ZBED6: variants seen among roughly 807,000 people sequenced by gnomAD.
ZBED6 encodes zinc finger BED domain-containing protein 6.
A neutral mutation model predicts 58.4 loss-of-function variants in ZBED6; 40 were observed. The observed-to-expected ratio is 0.68, with a 90% CI of 0.53 to 0.89. The LOEUF (loss-of-function observed/expected upper bound fraction) is 0.89. ZBED6 is among the 40% of genes least tolerant of loss of function. The pLI, the probability that ZBED6 is intolerant of heterozygous loss-of-function variation, is 0.00. For missense variants in ZBED6, 1,057 were observed against 1,003.9 expected (o/e 1.05, Z -0.71); for synonymous variants, 439 against 350.6 (o/e 1.25, Z -2.82).
chr1:203,838,090 G>A (rs770464466), intron 10 of ZBED6, 26 bp downstream of exon 10: 22 of 1,601,296 alleles, frequency 1.4e-5, no homozygotes, highest in Admixed American at 1.7e-5. Flanking sequence ...CATACTTTGT[G>A]TGTGTATGTA....
intron 3 of ZBED6, among the ~76,000 whole-genome samples, chr1:203,825,814 T>A (rs1264809501): frequency 6.6e-6 from 1 of 152,188 alleles, no homozygotes; most frequent in African/African-American, 2.4e-5. Flanking sequence ...ATTTTTTTTT[T>A]ACAAGTAAAA....
At chr1:203,802,161 G>A (rs1394142935) in exon 1 of ZBED6, 3 of 152,432 alleles carry the variant, frequency 2.0e-5, no homozygotes, top group Admixed American at 1.3e-4. Context: ...ATTACCATAC[G>A]TTTCTATCTT....
At chr1:203,854,082 A>G (rs1689738528) in exon 17 of ZBED6, 1 of 152,612 alleles carries the variant, frequency 6.6e-6, no homozygotes, top group Non-Finnish European at 1.5e-5. Context: ...ACAGAAAGAG[A>G]AATACTTGTT....
chr1:203,807,811 G>A (rs1672894771), intron 1 of ZBED6, among the ~76,000 whole-genome samples: 1 of 151,852 alleles, frequency 6.6e-6, no homozygotes, highest in Non-Finnish European at 1.5e-5. Context: ...GGGCAGTCAC[G>A]GCTCACTGCA....
At chr1:203,819,529 ATTT>A (rs755259647) in intron 3 of ZBED6, among the ~76,000 whole-genome samples, 4 of 72,868 alleles carry the variant, frequency 5.5e-5, no homozygotes, top group Non-Finnish European at 1.1e-4. Flanking sequence ...GCTGACTCCA[ATTT>A]TTTTTTTTTT....
intron 9 of ZBED6, chr1:203,835,969 G>T: frequency 6.0e-6 from 1 of 166,750 alleles, no homozygotes; most frequent in Non-Finnish European, 1.3e-5. Context: ...AGATGGTGGG[G>T]AGAGCTAAGA....
chr1:203,826,380 AATT>A (rs142468010), intron 3 of ZBED6, among the ~76,000 whole-genome samples: 1,387 of 134,370 alleles, frequency 0.01, 13 homozygotes, highest in Middle Eastern at 0.018. Context: ...GATTAATAAT[AATT>A]AATTCTTTTT....
exon 1 of ZBED6, chr1:203,799,326 A>G: frequency 1.4e-6 from 1 of 708,120 alleles, no homozygotes; most frequent in East Asian, 2.7e-5. Flanking sequence ...GCACAAAAGC[A>G]TTGAGAATAT....
intron 1 of ZBED6, among the ~76,000 whole-genome samples, chr1:203,815,328 C>T (rs1675995115): frequency 7.2e-6 from 1 of 139,710 alleles, no homozygotes; most frequent in African/African-American, 2.7e-5. Context: ...GATTCTTGTG[C>T]CTCAGCTCCC....
chr1:203,839,586 A>G (rs1685452049), intron 10 of ZBED6, among the ~76,000 whole-genome samples: 1 of 152,240 alleles, frequency 6.6e-6, no homozygotes, highest in South Asian at 2.1e-4. Flanking sequence ...GCATTCTCAG[A>G]GCAAGCAAAA....
At chr1:203,851,472 G>C (rs1364587871) in intron 16 of ZBED6, among the ~76,000 whole-genome samples, 1 of 152,158 alleles carries the variant, frequency 6.6e-6, no homozygotes, top group Non-Finnish European at 1.5e-5. Flanking sequence ...TGGGATTACA[G>C]GTGCCTGCCA....
chr1:203,831,883 T>C (rs1682500117), intron 8 of ZBED6, 112 bp downstream of exon 8: 5 of 794,722 alleles, frequency 6.3e-6, no homozygotes, highest in Non-Finnish European at 8.0e-6. Flanking sequence ...TTTGTTAGTA[T>C]GCTGATGAGA....
At chr1:203,797,787 T>C in exon 1 of ZBED6, 1 of 1,536,032 alleles carries the variant, frequency 6.5e-7, no homozygotes, top group Non-Finnish European at 8.7e-7. Flanking sequence ...TAGTAAGGAT[T>C]TGGGATCTGG....
intron 1 of ZBED6, among the ~76,000 whole-genome samples, chr1:203,814,682 C>G (rs1675659354): frequency 6.6e-6 from 1 of 152,174 alleles, no homozygotes; most frequent in Non-Finnish European, 1.5e-5. Context: ...CAAAAGTCTT[C>G]CAGCCTCCAC....
At chr1:203,828,577 A>G (rs1253116209) in intron 4 of ZBED6, among the ~76,000 whole-genome samples, 155 bp downstream of exon 4, 3 of 152,244 alleles carry the variant, frequency 2.0e-5, no homozygotes, top group African/African-American at 7.2e-5. Flanking sequence ...TATTAAGGTT[A>G]AATGATTTAT....
At chr1:203,821,818 C>T (rs768222222) in intron 3 of ZBED6, among the ~76,000 whole-genome samples, 24 of 150,750 alleles carry the variant, frequency 1.6e-4, no homozygotes, top group Non-Finnish European at 2.7e-4. Flanking sequence ...AGTGCAGTGG[C>T]GCGATCTCCG....
At chr1:203,831,322 T>C in intron 7 of ZBED6, among the ~76,000 whole-genome samples, 1 of 152,146 alleles carries the variant, frequency 6.6e-6, no homozygotes, top group East Asian at 1.9e-4. Context: ...TTAAATAGAA[T>C]AGGTTGGATT....
At chr1:203,829,406 G>A in intron 4 of ZBED6, 45 bp from the exon 5 acceptor site, 8 of 1,606,194 alleles carry the variant, frequency 5.0e-6, no homozygotes, top group Non-Finnish European at 6.8e-6. Flanking sequence ...GTAAGTTGGG[G>A]TTGTATCTTC....
intron 2 of ZBED6, 72 bp from the exon 3 acceptor site, chr1:203,818,498 G>A: frequency 6.3e-7 from 1 of 1,594,734 alleles, no homozygotes; most frequent in Non-Finnish European, 8.6e-7. Context: ...AATTCCAGGA[G>A]CTCTTGTTAT....
Sources: allele counts gnomAD v4.1 joint callset (sites outside exome capture counted in the v4.1 genomes callset), GRCh38; gene constraint gnomAD v4.1.1; transcripts MANE v1.5; gene names NCBI Gene and HGNC (gene_info 2026-07-23, HGNC 2026-07-21).